ADAMTS12: variants seen among roughly 807,000 people sequenced by gnomAD.
ADAMTS12 encodes A disintegrin and metalloproteinase with thrombospondin motifs 12.
Under a neutral mutation model 167.8 loss-of-function variants are expected in ADAMTS12, and 118 were observed. That is an observed-to-expected ratio of 0.70 (90% confidence interval 0.61 to 0.82). The LOEUF (loss-of-function observed/expected upper bound fraction) is 0.82. Among genes scored for constraint, ADAMTS12 ranks in the 40% least tolerant of loss-of-function variants. The pLI is 0.00. For synonymous variants in ADAMTS12, 704 were observed against 716.9 expected (o/e 0.98, Z 0.29); for missense variants, 1,916 against 1,998.8 (o/e 0.96, Z 0.79).
chr5:33,870,579 T>C (rs1452704954), intron 2 of ADAMTS12, among the ~76,000 whole-genome samples: 2 of 152,114 alleles, frequency 1.3e-5, no homozygotes, highest in East Asian at 3.8e-4. Context: ...GAAGGGATGA[T>C]AGTATTTTGC....
intron 3 of ADAMTS12, among the ~76,000 whole-genome samples, chr5:33,715,005 A>T (rs1355521627): frequency 6.6e-6 from 1 of 152,146 alleles, no homozygotes; most frequent in African/African-American, 2.4e-5. Context: ...TGATATCCTG[A>T]ATACCCTGAT....
intron 3 of ADAMTS12, among the ~76,000 whole-genome samples, chr5:33,699,705 A>T (rs1040993685): frequency 6.6e-6 from 1 of 152,164 alleles, no homozygotes; most frequent in Non-Finnish European, 1.5e-5. Context: ...AAAATAGTGA[A>T]TTGTATGCAA....
intron 2 of ADAMTS12, among the ~76,000 whole-genome samples, chr5:33,775,214 C>T (rs1745874192): frequency 6.6e-6 from 1 of 152,162 alleles, no homozygotes. Flanking sequence ...TATCTTAGGG[C>T]TTTGAGCCCT....
intron 5 of ADAMTS12, among the ~76,000 whole-genome samples, chr5:33,674,865 C>G (rs1278278192): frequency 6.6e-6 from 1 of 152,104 alleles, no homozygotes; most frequent in Non-Finnish European, 1.5e-5. Context: ...CCCTCAAAAA[C>G]TCATGTTGAA....
chr5:33,681,420 G>C (rs1382984886), intron 5 of ADAMTS12, among the ~76,000 whole-genome samples: 3 of 152,094 alleles, frequency 2.0e-5, no homozygotes, highest in African/African-American at 7.2e-5. Flanking sequence ...AGATTTCAAG[G>C]GCATTTCATC....
At chr5:33,656,700 C>T (rs1032240305) in intron 7 of ADAMTS12, among the ~76,000 whole-genome samples, 1 of 152,156 alleles carries the variant, frequency 6.6e-6, no homozygotes, top group African/African-American at 2.4e-5. Context: ...GTTTGGCCAG[C>T]AGGTACTGTT....
chr5:33,571,038 A>G (rs1432104174), intron 19 of ADAMTS12, among the ~76,000 whole-genome samples: 1 of 152,164 alleles, frequency 6.6e-6, no homozygotes, highest in African/African-American at 2.4e-5. Context: ...TTCAACAAGA[A>G]GAGCTAACTA....
At chr5:33,708,546 C>A (rs938632545) in intron 3 of ADAMTS12, among the ~76,000 whole-genome samples, 1 of 152,150 alleles carries the variant, frequency 6.6e-6, no homozygotes, top group Non-Finnish European at 1.5e-5. Flanking sequence ...GGAACCAACC[C>A]AAGTGCCTAT....
At chr5:33,681,852 A>C (rs919003299) in intron 5 of ADAMTS12, among the ~76,000 whole-genome samples, 2 of 152,162 alleles carry the variant, frequency 1.3e-5, no homozygotes, top group Non-Finnish European at 2.9e-5. Context: ...ATAACCAAAG[A>C]CCAGAAAGGT....
chr5:33,857,899 T>C (rs1749466878), intron 2 of ADAMTS12, among the ~76,000 whole-genome samples: 1 of 152,168 alleles, frequency 6.6e-6, no homozygotes. Context: ...AATAGACAAA[T>C]TCACAATTAT....
At chr5:33,591,311 C>A (rs1747627039) in intron 17 of ADAMTS12, among the ~76,000 whole-genome samples, 1 of 152,136 alleles carries the variant, frequency 6.6e-6, no homozygotes, top group Non-Finnish European at 1.5e-5. Flanking sequence ...TATGTTCCAA[C>A]AGCGCTGATC....
intron 3 of ADAMTS12, among the ~76,000 whole-genome samples, chr5:33,708,800 G>C (rs1743287545): frequency 6.6e-6 from 1 of 152,194 alleles, no homozygotes; most frequent in African/African-American, 2.4e-5. Context: ...CTATCAGGGG[G>C]TAGGGGACAA....
At chr5:33,619,096 T>C (rs1309574049) in intron 14 of ADAMTS12, among the ~76,000 whole-genome samples, 1 of 152,198 alleles carries the variant, frequency 6.6e-6, no homozygotes, top group Non-Finnish European at 1.5e-5. Context: ...GCCAGGGGCA[T>C]TGTTCAATAT....
intron 20 of ADAMTS12, among the ~76,000 whole-genome samples, chr5:33,554,537 G>T (rs1264267864): frequency 1.3e-5 from 2 of 152,132 alleles, no homozygotes; most frequent in Non-Finnish European, 2.9e-5. Context: ...TAAATGTAGG[G>T]ATACTCAGTG....
intron 2 of ADAMTS12, among the ~76,000 whole-genome samples, chr5:33,846,655 G>T (rs1008977283): frequency 6.6e-6 from 1 of 152,150 alleles, no homozygotes; most frequent in Non-Finnish European, 1.5e-5. Flanking sequence ...TGATGGGGGT[G>T]GGGGTAGCTA....
chr5:33,751,137 T>C, intron 3 of ADAMTS12: 1 of 500,066 alleles, frequency 2.0e-6, no homozygotes, highest in Non-Finnish European at 3.5e-6. Context: ...GCATCATCAA[T>C]TAATGTGGCA....
chr5:33,560,584 T>C (rs1228576863), intron 20 of ADAMTS12, among the ~76,000 whole-genome samples: 2 of 151,892 alleles, frequency 1.3e-5, no homozygotes, highest in Non-Finnish European at 2.9e-5. Flanking sequence ...TGGAATACTA[T>C]GCAGCCATAA....
chr5:33,836,760 C>T (rs10076258), intron 2 of ADAMTS12, among the ~76,000 whole-genome samples: 3,940 of 152,054 alleles, frequency 0.026, 180 homozygotes, highest in African/African-American at 0.091. Flanking sequence ...CAAATGTCCG[C>T]GCCACAGACA....
chr5:33,683,079 G>A lies in ADAMTS12; in HGVS notation c.854C>T (p.Pro285Leu). Residue 285 changes from proline to leucine, a missense_variant, in exon 5 of 24, where the codon CCA becomes CTA. Coordinates refer to ENST00000504830, the MANE Select transcript of ADAMTS12 (RefSeq NM_030955.4). ...AATGTGAATTGCATTGCCAATGCTTGGGTTATGGAACAACCCAGTGACCTA... is the reference window on the plus strand; with the variant it reads ...AATGTGAATTGCATTGCCAATGCTTAGGTTATGGAACAACCCAGTGACCTA... ...MNMVTGLFHN[P>L]SIGNAIHIVV... 1 of 1,612,650 alleles carries A rather than the reference G, an allele frequency of 6.2e-7. No homozygotes were observed. Among genetic ancestry groups the A allele is most frequent in the South Asian group, 1.1e-5 (1 of 90,772 alleles).
Sources: gnomAD v4.1 joint callset for allele counts (sites outside exome capture counted in the v4.1 genomes callset) on GRCh38, gnomAD v4.1.1 for gene constraint, MANE v1.5 for transcripts, NCBI Gene and HGNC (gene_info 2026-07-23, HGNC 2026-07-21) for gene names.